Variants in STT3A observed in about 807,000 individuals in gnomAD.
STT3A encodes the protein STT3 oligosaccharyltransferase complex catalytic subunit A.
A neutral mutation model predicts 89.2 loss-of-function variants in STT3A; 34 were observed. The observed-to-expected ratio is 0.38, with a 90% CI of 0.29 to 0.51. STT3A has a LOEUF of 0.51. Ranked by LOEUF, STT3A falls within the 20% of genes least tolerant of loss-of-function variation. The pLI, the probability that STT3A is intolerant of heterozygous loss-of-function variation, is 0.89. For missense variants in STT3A, 555 were observed against 889.5 expected (o/e 0.62, Z 4.78); for synonymous variants, 282 against 310.3 (o/e 0.91, Z 0.96).
At chr11:125,617,121 A>G (rs964694106) in intron 15 of STT3A, among the ~76,000 whole-genome samples, 12 of 152,156 alleles carry the variant, frequency 7.9e-5, no homozygotes, top group Admixed American at 6.5e-4. Context: ...TTCTGGCGCT[A>G]TGATCTAGGC....
rs755622531 is a variant in STT3A at position 125,602,299 on chromosome 11, A to G, written c.150-4A>G. 4.3e-6 allele frequency: 7 copies of G among 1,610,728 alleles called. No homozygotes were observed. The highest frequency in any genetic ancestry group is 5.9e-6 in the Non-Finnish European group (7 of 1,179,140). On this transcript the variant is annotated splice_region_variant and splice_polypyrimidine_tract_variant and intron_variant, in intron 3 of 17. Coordinates refer to ENST00000392708, the MANE Select transcript of STT3A (RefSeq NM_152713.5). The stretch of plus-strand genomic sequence containing the variant: ...TTTACAACAAAGTTTATTTCTTGCT[A>G]TAGGTACTTTAATTATCGGACTACC...
At chr11:125,609,937 TC>T (rs1369012092) in intron 10 of STT3A, 6 of 219,662 alleles carry the variant, frequency 2.7e-5, no homozygotes, top group African/African-American at 6.9e-5. Flanking sequence ...AGTATTGAAG[TC>T]CCATAATGAG....
chr11:125,620,891 T>TA lies in STT3A; in HGVS notation c.*83dup. On this transcript the variant is annotated 3_prime_UTR_variant, in exon 18 of 18. Transcript: ENST00000392708. ...GAAGATTTTTTTTTTTTTTTTTTTT[T>TA]AATATGCAGTTTGTAAGAACAAAAC... is the stretch of plus-strand genomic sequence containing the variant. 8.8e-6 allele frequency: 10 copies of TA among 1,136,390 alleles called. No individual in the cohort carries two copies. The highest frequency in any genetic ancestry group is 1.5e-5 in the South Asian group (1 of 66,942). 70.4% of individuals were successfully genotyped at this position (1,136,390 alleles called of 1,614,324 possible).
chr11:125,607,483 C>T (rs477961), intron 8 of STT3A, among the ~76,000 whole-genome samples: 69,655 of 152,066 alleles, frequency 0.46, 16,838 homozygotes, highest in Admixed American at 0.57. Context: ...TGTCTATATC[C>T]GATAGGCTAC....
At chr11:125,592,526 G>C (rs1382689089), upstream of STT3A, 1 of 453,688 alleles carries the variant, frequency 2.2e-6, no homozygotes, top group African/African-American at 2.0e-5. Flanking sequence ...GGGAGTCAGT[G>C]GGCCGCGCCT....
chr11:125,592,633 C>G, upstream of STT3A: 1 of 387,590 alleles, frequency 2.6e-6, no homozygotes, highest in Admixed American at 3.0e-5. Flanking sequence ...CTCTTGACTC[C>G]TACGCGCCGG....
intron 3 of STT3A, among the ~76,000 whole-genome samples, chr11:125,601,807 A>G (rs560627660): frequency 6.7e-6 from 1 of 150,056 alleles, no homozygotes; most frequent in East Asian, 2.0e-4. Context: ...TTATTTATTT[A>G]TTTTTTTTTC....
At chr11:125,599,535 C>T (rs12273327) in intron 3 of STT3A, among the ~76,000 whole-genome samples, 16,077 of 150,874 alleles carry the variant, frequency 0.11, 1,237 homozygotes, top group African/African-American at 0.22. Flanking sequence ...CTCAGCCTCC[C>T]GAGTAGCTGG....
chr11:125,593,122 G>A (rs990973805), intron 1 of STT3A: 2 of 153,534 alleles, frequency 1.3e-5, no homozygotes, highest in Admixed American at 6.5e-5. Context: ...AGGGTAAGGT[G>A]GGTCTTGAGA....
Position 125,618,250 on chromosome 11 carries a change from A to G in STT3A, c.1775-123A>G. ...TATGTTGTCCTCACTATTTTTACAA[A>G]TTAGAGTTAAATGATACCAATCCCC... On this transcript the variant is annotated intron_variant, in intron 15 of 17. Coordinates refer to ENST00000392708, the MANE Select transcript of STT3A (RefSeq NM_152713.5). 4 of 899,478 alleles carry G rather than the reference A, an allele frequency of 4.4e-6. No individual in the cohort carries two copies. In the South Asian group the frequency reaches 7.6e-5, roughly 17 times the overall value. The allele number at this position is 899,478 out of a possible 1,614,324, so 55.7% of individuals were successfully genotyped here. A position where few individuals can be genotyped will look rare whatever the true frequency, so the allele number is the denominator to read the frequency against.
chr11:125,596,053 T>A (rs1939486014), intron 2 of STT3A, 50 bp downstream of exon 2: 1 of 1,438,456 alleles, frequency 7.0e-7, no homozygotes, highest in African/African-American at 1.4e-5. Context: ...AAGAAGAAAG[T>A]CTAGAAAAAA....
At chr11:125,599,205 CTG>C (rs1486562094) in intron 3 of STT3A, among the ~76,000 whole-genome samples, 1 of 152,198 alleles carries the variant, frequency 6.6e-6, no homozygotes, top group Non-Finnish European at 1.5e-5. Context: ...CTCATCTCTT[CTG>C]TTTCTGACAG....
At chr11:125,618,945 G>A (rs1940261448) in intron 16 of STT3A, among the ~76,000 whole-genome samples, 3 of 152,058 alleles carry the variant, frequency 2.0e-5, no homozygotes, top group East Asian at 3.9e-4. Context: ...TGTTGTCTGG[G>A]CTGGTCTGGA....
chr11:125,605,124 T>G (rs1363524142), intron 6 of STT3A, among the ~76,000 whole-genome samples: 1 of 134,844 alleles, frequency 7.4e-6, no homozygotes, highest in East Asian at 2.3e-4. Flanking sequence ...TGTTTTTATT[T>G]TTATTTTTTT....
chr11:125,602,237 T>C, intron 3 of STT3A, 66 bp from the exon 4 acceptor site: 1 of 1,551,574 alleles, frequency 6.4e-7, no homozygotes. Context: ...GCTGAATTTC[T>C]CAATGGTGTA....
chr11:125,616,892 G>A (rs1220160742), intron 15 of STT3A, among the ~76,000 whole-genome samples: 1 of 152,106 alleles, frequency 6.6e-6, no homozygotes, highest in Non-Finnish European at 1.5e-5. Flanking sequence ...TGCCCAGGCT[G>A]TTCTTGAACT....
At chr11:125,609,693 T>G in intron 10 of STT3A, 104 bp downstream of exon 10, 2 of 1,464,432 alleles carry the variant, frequency 1.4e-6, no homozygotes, top group South Asian at 2.7e-5. Context: ...TTTGCCTGTT[T>G]ATGTTGTGTA....
At position 125,601,421 on chromosome 11, in the gene STT3A, G is replaced by A. The variant is rs1033261835; in HGVS notation, c.150-882G>A. ...GGATCACCTGAGGTCAGGAGTTTGA[G>A]ACCAGCCTGGCCAATATGGTGAAAC... On this transcript the variant is annotated intron_variant, in intron 3 of 17. Coordinates refer to ENST00000392708, the MANE Select transcript of STT3A (RefSeq NM_152713.5). Among the ~76,000 whole-genome samples, 197 of 152,150 alleles carry A rather than the reference G, an allele frequency of 1.3e-3. 3 individuals are homozygous for A. Among genetic ancestry groups the A allele is most frequent in the Admixed American group, 1.3e-3 (20 of 15,272 alleles).
chr11:125,604,523 A>G (rs1939779422), intron 6 of STT3A, among the ~76,000 whole-genome samples: 1 of 152,214 alleles, frequency 6.6e-6, no homozygotes, highest in African/African-American at 2.4e-5. Flanking sequence ...TTATTTTCCT[A>G]CATAAAGGGA....
Sources: gnomAD v4.1 joint callset for allele counts (sites outside exome capture counted in the v4.1 genomes callset) on GRCh38, gnomAD v4.1.1 for gene constraint, MANE v1.5 for transcripts, NCBI Gene and HGNC (gene_info 2026-07-23, HGNC 2026-07-21) for gene names.